Variants in CARMIL1 observed in about 807,000 individuals in gnomAD.
The protein encoded by CARMIL1 is F-actin-uncapping protein LRRC16A.
Under a neutral mutation model 177.1 loss-of-function variants are expected in CARMIL1, and 90 were observed. That is an observed-to-expected ratio of 0.51 (90% CI 0.43 to 0.61). The LOEUF (loss-of-function observed/expected upper bound fraction) is 0.61. Ranked by LOEUF, CARMIL1 falls within the 20% of genes least tolerant of loss-of-function variation. CARMIL1 has a pLI of 0.00. For synonymous variants in CARMIL1, 577 were observed against 606.2 expected, an observed-to-expected ratio of 0.95 and a Z score of 0.71; for missense variants, 1,380 against 1,667.0, an observed-to-expected ratio of 0.83 and a Z score of 3.00.
At chr6:25,470,079 C>G (rs1800969024) in intron 9 of CARMIL1, among the ~76,000 whole-genome samples, 1 of 151,504 alleles carries the variant, frequency 6.6e-6, no homozygotes, top group African/African-American at 2.4e-5. Context: ...AGTTATATAA[C>G]TACATAATGG....
intron 2 of CARMIL1, among the ~76,000 whole-genome samples, chr6:25,372,720 T>C (rs1490132464): frequency 6.6e-6 from 1 of 152,210 alleles, no homozygotes; most frequent in Non-Finnish European, 1.5e-5. Context: ...CTTTTCCAAT[T>C]TGGATACCCT....
intron 2 of CARMIL1, among the ~76,000 whole-genome samples, chr6:25,414,079 G>C (rs1795158428): frequency 6.6e-6 from 1 of 152,136 alleles, no homozygotes; most frequent in South Asian, 2.1e-4. Context: ...GGCTTTATCT[G>C]CATTTGTATC....
In CARMIL1 at chr6:25,450,674, G is replaced by A. The variant is rs1798695720; in HGVS notation, c.577G>A (p.Glu193Lys). ...AATTTATCTTACCCAAGACACCAGG[G>A]AATTGAATTTACAAGATTTTAGTCA... ...DTIYLTQDTR[E>K]LNLQDFSHLD... is the part of the protein sequence containing the mutation. The change falls in exon 8 of 37, where the codon GAA becomes AAA. Residue 193 changes from glutamate (E) to lysine (K), a missense_variant. Physicochemically the swap from Glu to Lys is moderately conservative, Grantham distance 56 (BLOSUM62 1). Transcript: ENST00000329474. 1 of 1,606,910 alleles carries A rather than the reference G, an allele frequency of 6.2e-7. No homozygotes were observed. Among genetic ancestry groups the A allele is most frequent in the Non-Finnish European group, 8.5e-7 (1 of 1,175,852 alleles).
At chr6:25,435,427 T>C in intron 4 of CARMIL1, 56 bp from the exon 5 acceptor site, 3 of 1,165,600 alleles carry the variant, frequency 2.6e-6, no homozygotes, top group Non-Finnish European at 3.5e-6. Context: ...TTTAAAATAA[T>C]TAAAAACGGA....
intron 8 of CARMIL1, among the ~76,000 whole-genome samples, chr6:25,459,210 T>TTCTCTTTCTTTCTTTCTTTC (rs1554200784): frequency 3.7e-5 from 3 of 80,136 alleles, no homozygotes; most frequent in Non-Finnish European, 5.0e-5. Context: ...GATCCCAACT[T>TTCTCTTTCTTTCTTTCTTTC]TTTCTTTCTT....
rs748360806 is a variant in CARMIL1, at chr6:25,451,995, T to TCCCCCCCCCCCCC, written c.614+1293_614+1294insCCCCCCCCCCCCC. The TCCCCCCCCCCCCC allele has an allele frequency of 2.7e-4, 39 of 144,262 alleles. 1 individual carries two copies. Among genetic ancestry groups the TCCCCCCCCCCCCC allele is most frequent in the Middle Eastern group, 2.9e-3 (1 of 350 alleles). The allele number at this position is 144,262 out of a possible 1,614,324, so 8.9% of individuals were successfully genotyped here. Reference sequence around the variant, plus strand: ...TCATCACTAGCATCTTGCCCCCCCCTCCCCCCCCCAGAATACTGTTTTGAA... The same window carrying TCCCCCCCCCCCCC: ...TCATCACTAGCATCTTGCCCCCCCCTCCCCCCCCCCCCCCCCCCCCCCAGAATACTGTTTTGAA... On this transcript the variant is annotated intron_variant, in intron 8 of 36. Transcript: ENST00000329474.
intron 20 of CARMIL1, among the ~76,000 whole-genome samples, chr6:25,514,171 C>T (rs149614030): frequency 1.2e-4 from 19 of 152,254 alleles, no homozygotes; most frequent in African/African-American, 3.8e-4. Flanking sequence ...CTTTAGGCTG[C>T]GTGGCTTTCA....
In CARMIL1 at chr6:25,284,513, C is replaced by T. The variant is rs138866580; in HGVS notation, c.41-299C>T. Among the ~76,000 whole-genome samples, 181 of 152,322 alleles carry T rather than the reference C, an allele frequency of 1.2e-3. No individual in the cohort carries two copies. The Middle Eastern group carries it at 0.017, about 14-fold the overall frequency. ...TCACTTGAGGTCAGGAGTTCAAGAC[C>T]AGCCTGACCAACATGGTAAAACCCC... On this transcript the variant is annotated intron_variant, in intron 1 of 36. Transcript: ENST00000329474.
intron 29 of CARMIL1, chr6:25,576,894 C>G: frequency 5.8e-4 from 296 of 512,466 alleles, no homozygotes; most frequent in Non-Finnish European, 7.1e-4. Flanking sequence ...AATGGTATCC[C>G]TCTCCCTCCC....
At chr6:25,608,029 G>T (rs1261073143) in intron 35 of CARMIL1, among the ~76,000 whole-genome samples, 1 of 152,126 alleles carries the variant, frequency 6.6e-6, no homozygotes, top group East Asian at 1.9e-4. Context: ...AAAGAAAATA[G>T]AAAAAATTTT....
intron 32 of CARMIL1, among the ~76,000 whole-genome samples, chr6:25,598,954 G>A (rs546295932): frequency 6.6e-6 from 1 of 152,312 alleles, no homozygotes; most frequent in South Asian, 2.1e-4. Context: ...GGCATGCAGA[G>A]GGAGAAAAAG....
intron 8 of CARMIL1, among the ~76,000 whole-genome samples, chr6:25,463,819 C>CTTTTTTTTTT (rs68160209): frequency 1.8e-5 from 2 of 108,516 alleles, no homozygotes; most frequent in Admixed American, 1.0e-4. Flanking sequence ...AGTTGTTCTC[C>CTTTTTTTTTT]TTTTTTTTTT....
intron 8 of CARMIL1, among the ~76,000 whole-genome samples, chr6:25,459,223 T>A: frequency 1.3e-5 from 1 of 74,490 alleles, no homozygotes; most frequent in Non-Finnish European, 2.6e-5. Context: ...TCTTTCTTTC[T>A]TTCTTTCTTT....
At chr6:25,568,789 G>A (rs1284655278) in intron 29 of CARMIL1, among the ~76,000 whole-genome samples, 1 of 152,162 alleles carries the variant, frequency 6.6e-6, no homozygotes, top group Non-Finnish European at 1.5e-5. Flanking sequence ...CTAGGTAACT[G>A]AATGAACTGG....
intron 2 of CARMIL1, among the ~76,000 whole-genome samples, chr6:25,397,337 G>A (rs1793506965): frequency 6.6e-6 from 1 of 152,130 alleles, no homozygotes; most frequent in Non-Finnish European, 1.5e-5. Flanking sequence ...TGGGCTAATT[G>A]TGGTCCAAAT....
chr6:25,469,982 A>T (rs1800960339), intron 9 of CARMIL1, among the ~76,000 whole-genome samples: 2 of 152,240 alleles, frequency 1.3e-5, no homozygotes, highest in South Asian at 4.1e-4. Context: ...CCAGGGCACA[A>T]CTCTTCATTT....
At chr6:25,391,512 G>C (rs1406908734) in intron 2 of CARMIL1, among the ~76,000 whole-genome samples, 1 of 152,192 alleles carries the variant, frequency 6.6e-6, no homozygotes, top group Non-Finnish European at 1.5e-5. Context: ...AGATCTTGCA[G>C]AAGATGATGG....
chr6:25,563,501 G>T, intron 29 of CARMIL1: 1 of 985,458 alleles, frequency 1.0e-6, no homozygotes, highest in Non-Finnish European at 1.2e-6. Context: ...TGGGGTAAAA[G>T]AAACATCTGG....
Position 25,279,679 on chromosome 6 carries a change from C to T in CARMIL1, c.-117C>T, listed in dbSNP as rs1020008190. On this transcript the variant is annotated 5_prime_UTR_variant, in exon 1 of 37. Transcript: ENST00000329474. ...CTGTCTCCGCCCCCCCTTTTCTTGC[C>T]CACTTCCATTTGCAAGCTGCATCTG... is the stretch of plus-strand genomic sequence containing the variant. 4 of 924,744 alleles carry T rather than the reference C, an allele frequency of 4.3e-6. No homozygotes were observed. In the African/African-American group the frequency reaches 4.9e-5, roughly 11 times the overall value. 57.3% of individuals were successfully genotyped at this position (924,744 alleles called of 1,614,324 possible). A position where few individuals can be genotyped will look rare whatever the true frequency, so the allele number is the denominator to read the frequency against.
Sources: allele counts gnomAD v4.1 joint callset (sites outside exome capture counted in the v4.1 genomes callset), GRCh38; gene constraint gnomAD v4.1.1; transcripts MANE v1.5; gene names NCBI Gene and HGNC (gene_info 2026-07-23, HGNC 2026-07-21).